UBR4: variants seen among roughly 807,000 people sequenced by gnomAD.
The protein encoded by UBR4 is ubiquitin protein ligase E3 component n-recognin 4.
Under a neutral mutation model 575.6 loss-of-function variants are expected in UBR4, and 124 were observed. The observed-to-expected ratio is 0.22, with a 90% CI of 0.19 to 0.25. The LOEUF (loss-of-function observed/expected upper bound fraction) is 0.25, where lower values mean the gene tolerates loss of function less well. UBR4 is among the 10% of genes least tolerant of loss of function. The pLI is 1.00. For missense variants in UBR4, 4,818 were observed against 6,478.8 expected, an observed-to-expected ratio of 0.74 and a Z score of 8.80; for synonymous variants, 2,455 against 2,473.7, an observed-to-expected ratio of 0.99 and a Z score of 0.22.
At chr1:19,156,678 G>A (rs948307022) in intron 41 of UBR4, 89 bp downstream of exon 41, 126 of 1,504,092 alleles carry the variant, frequency 8.4e-5, no homozygotes, top group Non-Finnish European at 1.1e-4. Context: ...TCTCCACAAC[G>A]AATAAGAAAA....
In UBR4 at chr1:19,101,769, G is replaced by A. The variant is rs1245044389; in HGVS notation, c.12902-128C>T. 2.4e-5 allele frequency: 33 copies of A among 1,403,726 alleles called. No individual in the cohort carries two copies. In the South Asian group the frequency reaches 4.3e-4, roughly 18 times the overall value. 87.0% of individuals were successfully genotyped at this position (1,403,726 alleles called of 1,614,324 possible). On this transcript the variant is annotated intron_variant, in intron 87 of 105. Transcript: ENST00000375254. ...GGTAAGTCTTTAAATGCCCTACATG[G>A]CAATATCAATAGTTCAAATTGGAAA...
chr1:19,191,470 CA>C (rs1195294671), intron 11 of UBR4, among the ~76,000 whole-genome samples: 4 of 151,658 alleles, frequency 2.6e-5, no homozygotes, highest in African/African-American at 7.3e-5. Flanking sequence ...GACTATGTCT[CA>C]AAAAAAATAA....
chr1:19,127,436 G>A (rs988948254), intron 63 of UBR4, among the ~76,000 whole-genome samples, 187 bp downstream of exon 63: 3 of 152,180 alleles, frequency 2.0e-5, no homozygotes, highest in Non-Finnish European at 2.9e-5. Flanking sequence ...CCAAAGACCA[G>A]AGCTTGGAAG....
At position 19,117,071 on chromosome 1, in the gene UBR4, C is replaced by T. The variant is rs1355278989; in HGVS notation, c.10823+150G>A. The T allele has an allele frequency of 3.7e-6, 3 of 807,722 alleles. No homozygotes were observed. In the East Asian group the frequency reaches 7.6e-5, roughly 21 times the overall value. 50.0% of individuals were successfully genotyped at this position (807,722 alleles called of 1,614,324 possible). Reference sequence around the variant, plus strand: ...CAACATGCTTAGAACTGTTGTTTCACTTTTGTCCTTTGGTCATGAATGGAG... The same window carrying T: ...CAACATGCTTAGAACTGTTGTTTCATTTTTGTCCTTTGGTCATGAATGGAG... On this transcript the variant is annotated intron_variant, in intron 73 of 105. Coordinates refer to ENST00000375254, the MANE Select transcript of UBR4 (RefSeq NM_020765.3). This position sits in a 1 kb window ranked among gnomAD's most constrained non-coding sequence, Gnocchi z 4.0.
intron 92 of UBR4, among the ~76,000 whole-genome samples, 155 bp downstream of exon 92, chr1:19,096,368 T>C (rs745468243): frequency 1.2e-4 from 18 of 152,088 alleles, no homozygotes; most frequent in Non-Finnish European, 1.5e-4. Context: ...CCTAAGAATG[T>C]AGTCCTAACT....
Position 19,185,201 on chromosome 1 carries a change from GGGA to G in UBR4, c.1833_1835del (p.Pro616del), listed in dbSNP as rs778866355. The G allele has an allele frequency of 2.3e-5, 37 of 1,614,068 alleles. No individual in the cohort carries two copies. In the Admixed American group the frequency reaches 6.2e-4, roughly 27 times the overall value. ...GAGAGCTTTCCAGTGGAGGAGGTGG[GGGA>G]GGAGGCGGAGGTGCTGCTTTCTCTT... On this transcript the variant is annotated inframe_deletion, in exon 15 of 106. Coordinates refer to ENST00000375254, the MANE Select transcript of UBR4 (RefSeq NM_020765.3).
At chr1:19,143,270 GAAAGAAAGA>G (rs2084313091) in intron 55 of UBR4, among the ~76,000 whole-genome samples, 5 of 65,246 alleles carry the variant, frequency 7.7e-5, no homozygotes, top group Admixed American at 1.7e-4. Context: ...AAGAAAGAAA[GAAAGAAAGA>G]AAGAAAGAAA....
Position 19,097,330 on chromosome 1 carries a change from T to C in UBR4, c.13303-50A>G, listed in dbSNP as rs748528081. On this transcript the variant is annotated intron_variant, in intron 90 of 105. Coordinates refer to ENST00000375254, the MANE Select transcript of UBR4 (RefSeq NM_020765.3). ...GTACTTAAAAACAGGCCCAGACAAA[T>C]GCAAAGGACTCCATACTTGGTCTTG... is the stretch of plus-strand genomic sequence containing the variant. The C allele has an allele frequency of 7.1e-6, 11 of 1,539,764 alleles. No homozygotes were observed. The Admixed American group carries it at 1.1e-4, about 15-fold the overall frequency.
chr1:19,167,306 C>G, intron 28 of UBR4, 75 bp from the exon 29 acceptor site: 1 of 1,521,372 alleles, frequency 6.6e-7, no homozygotes, highest in Non-Finnish European at 9.1e-7. Flanking sequence ...CAGGGTAATT[C>G]AATTACTTGC....
At chr1:19,122,135 A>G (rs938834848) in intron 66 of UBR4, 123 bp from the exon 67 acceptor site, 10 of 927,718 alleles carry the variant, frequency 1.1e-5, no homozygotes, top group Non-Finnish European at 1.5e-5. Flanking sequence ...TCTTCTGAGC[A>G]AGGCAGATGC....
At chr1:19,185,368 G>A (rs1247912223) in intron 14 of UBR4, 82 bp from the exon 15 acceptor site, 2 of 1,352,768 alleles carry the variant, frequency 1.5e-6, no homozygotes, top group Non-Finnish European at 2.0e-6. Flanking sequence ...AAGTACTTAA[G>A]TCAAAAGGAA....
In UBR4 at chr1:19,177,232, A is replaced by G. The variant is rs551722822; in HGVS notation, c.2637+229T>C. ...TTCGTGGGAGAATGCCTTTGAACAC[A>G]GCCTACATTCCACTTTCAAAAAATG... On this transcript the variant is annotated intron_variant, in intron 19 of 105. Coordinates refer to ENST00000375254, the MANE Select transcript of UBR4 (RefSeq NM_020765.3). Among the ~76,000 whole-genome samples the G allele has an allele frequency of 2.6e-5, 4 of 152,340 alleles. No individual in the cohort carries two copies. In the South Asian group the frequency reaches 8.3e-4, roughly 32 times the overall value.
rs760507814 is a variant in UBR4, at chr1:19,165,749, T to A, written c.4118A>T (p.Asp1373Val). The part of the protein sequence containing the change: ...ANHADPNSGL[D>V]ESILEECLQY... ...GAGACATTCCTCCAGGATGGATTCA[T>A]CCAGTCCACTGAGGATCAAACGGAA... The change falls in exon 30 of 106, where the codon GAT becomes GTT. Residue 1373 changes from aspartate to valine, a missense_variant. Physicochemically the swap from Asp to Val is radical, Grantham distance 152. Coordinates refer to ENST00000375254, the MANE Select transcript of UBR4 (RefSeq NM_020765.3). The A allele has an allele frequency of 3.1e-6, 5 of 1,613,682 alleles. No individual in the cohort carries two copies. The African/African-American group carries it at 6.7e-5, about 22-fold the overall frequency.
chr1:19,143,266 GAAAGAAAGAAAGAAAGAAAGAAAGAAAGA>G lies in UBR4; in HGVS notation c.8179+685_8179+713del, dbSNP rs1557762939. On this transcript the variant is annotated intron_variant, in intron 55 of 105. Coordinates refer to ENST00000375254, the MANE Select transcript of UBR4 (RefSeq NM_020765.3). ...AGGAAGGAAGGAAGGAAGGAAGAAA[GAAAGAAAGAAAGAAAGAAAGAAAGAAAGA>G]AAGAAAGAAAGAAAGAAAGAAAGAA... is the stretch of plus-strand genomic sequence containing the variant. Among the ~76,000 whole-genome samples, 155 of 54,320 alleles carry G rather than the reference GAAAGAAAGAAAGAAAGAAAGAAAGAAAGA, an allele frequency of 2.9e-3. 2 individuals are homozygous for G. The highest frequency in any genetic ancestry group is 8.6e-3 in the Middle Eastern group (1 of 116). The allele number at this position is 54,320 out of a possible 152,430, so 35.6% of individuals were successfully genotyped here.
intron 8 of UBR4, among the ~76,000 whole-genome samples, chr1:19,195,042 C>T (rs934622150): frequency 9.9e-5 from 15 of 151,148 alleles, no homozygotes; most frequent in Non-Finnish European, 1.9e-4. Flanking sequence ...GGGCGGATCA[C>T]GAGGTCAGGA....
chr1:19,194,758 A>G (rs1208121358), intron 8 of UBR4, among the ~76,000 whole-genome samples: 2 of 152,258 alleles, frequency 1.3e-5, no homozygotes, highest in East Asian at 1.9e-4. Context: ...GCTAAGATTG[A>G]GCCATTGCAT....
chr1:19,094,192 G>A, intron 94 of UBR4, 53 bp from the exon 95 acceptor site: 1 of 1,470,590 alleles, frequency 6.8e-7, no homozygotes, highest in South Asian at 1.2e-5. Flanking sequence ...GACTGTGGCT[G>A]CAGCCAACAT....
At chr1:19,151,598 C>T (rs1376626198) in intron 48 of UBR4, 45 bp downstream of exon 48, 1 of 1,604,368 alleles carries the variant, frequency 6.2e-7, no homozygotes, top group Non-Finnish European at 8.5e-7. Flanking sequence ...CCCAATTTCG[C>T]AGTCACAATG....
chr1:19,174,564 T>C (rs900962997), intron 21 of UBR4, 117 bp from the exon 22 acceptor site: 10 of 1,393,386 alleles, frequency 7.2e-6, no homozygotes, highest in Non-Finnish European at 9.7e-6. Flanking sequence ...TCATAATCAT[T>C]AATTTCTCCT....
Sources: allele counts gnomAD v4.1 joint callset (sites outside exome capture counted in the v4.1 genomes callset), GRCh38; gene constraint gnomAD v4.1.1; non-coding constraint Gnocchi (gnomAD v3.1); transcripts MANE v1.5; gene names NCBI Gene and HGNC (gene_info 2026-07-23, HGNC 2026-07-21).